JAKMIP3: variants seen among roughly 807,000 people sequenced by gnomAD.
JAKMIP3 encodes the protein janus kinase and microtubule-interacting protein 3.
JAKMIP3 carries 58 observed loss-of-function variants against 118.5 expected under a neutral mutation model. The ratio of observed to expected loss-of-function variants is 0.49; its 90% CI spans 0.40 to 0.61. The LOEUF (loss-of-function observed/expected upper bound fraction) is 0.61, where lower values mean the gene tolerates loss of function less well. JAKMIP3 is among the 20% of genes least tolerant of loss of function. JAKMIP3 has a pLI of 0.00. For missense variants in JAKMIP3, 950 were observed against 1,109.0 expected, an observed-to-expected ratio of 0.86 and a Z score of 2.04; for synonymous variants, 486 against 451.2, an observed-to-expected ratio of 1.08 and a Z score of -0.98.
chr10:132,052,874 A>G (rs2038138726), intron 1 of JAKMIP3, among the ~76,000 whole-genome samples: 1 of 152,228 alleles, frequency 6.6e-6, no homozygotes, highest in Non-Finnish European at 1.5e-5. Context: ...ACTTTCTGCT[A>G]ACTTTGCTGT....
At chr10:132,083,373 A>T (rs1170758147) in intron 1 of JAKMIP3, among the ~76,000 whole-genome samples, 3 of 151,744 alleles carry the variant, frequency 2.0e-5, no homozygotes, top group Non-Finnish European at 2.9e-5. Context: ...CCACTCTTTG[A>T]TGGGTTCGTT....
At chr10:132,145,239 G>T in intron 12 of JAKMIP3, 49 bp downstream of exon 12, 3 of 1,441,996 alleles carry the variant, frequency 2.1e-6, no homozygotes, top group South Asian at 1.2e-5. Context: ...GTGGGTGGGA[G>T]GTATTTGGCT....
At chr10:132,067,275 G>A (rs1403392471) in intron 1 of JAKMIP3, among the ~76,000 whole-genome samples, 1 of 136,392 alleles carries the variant, frequency 7.3e-6, no homozygotes, top group Non-Finnish European at 1.6e-5. Context: ...CAAGGCTGAG[G>A]GTGGGGGGAG....
chr10:132,138,004 G>T (rs1052678434), intron 8 of JAKMIP3, 115 bp from the exon 9 acceptor site: 8 of 987,248 alleles, frequency 8.1e-6, no homozygotes, highest in Non-Finnish European at 1.2e-5. Flanking sequence ...GGACAAGCCA[G>T]CCCAGACACC....
At chr10:132,071,561 C>T (rs1378389667) in intron 1 of JAKMIP3, among the ~76,000 whole-genome samples, 1 of 152,176 alleles carries the variant, frequency 6.6e-6, no homozygotes, top group East Asian at 1.9e-4. Context: ...GTGTTAATGT[C>T]TCCAATATGA....
rs2060193334 is a variant in JAKMIP3 at position 132,176,937 on chromosome 10, A to G, written c.*1104-5420A>G. Among the ~76,000 whole-genome samples, 3 of 151,896 alleles carry G rather than the reference A, an allele frequency of 2.0e-5. No individual in the cohort carries two copies. In the South Asian group the frequency reaches 6.2e-4, roughly 32 times the overall value. On this transcript the variant is annotated intron_variant, in intron 23 of 23. Coordinates refer to ENST00000684848, the MANE Select transcript of JAKMIP3 (RefSeq NM_001323087.2). ...GATGCCAACCTCTTTTCTGGTTCCT[A>G]TTGGCTTTGGAGCTATTTCTCTTTG... is the stretch of plus-strand genomic sequence containing the variant.
At chr10:132,129,257 G>C (rs2050153959) in intron 3 of JAKMIP3, among the ~76,000 whole-genome samples, 1 of 152,044 alleles carries the variant, frequency 6.6e-6, no homozygotes, top group African/African-American at 2.4e-5. Flanking sequence ...AGTGTAGCCA[G>C]GGTCTAGAGA....
rs199726287 is a variant in JAKMIP3, at chr10:132,117,123, G to A, written c.182G>A (p.Arg61His). The change falls in exon 3 of 24, where the codon CGC becomes CAC. Residue 61 changes from arginine to histidine, a missense_variant. By Grantham distance (29) the Arg-to-His change is conservative. Coordinates refer to ENST00000684848, the MANE Select transcript of JAKMIP3 (RefSeq NM_001323087.2). This position sits in a 1 kb window ranked among gnomAD's most constrained non-coding sequence, Gnocchi z 8.6. The stretch of plus-strand genomic sequence containing the variant: ...AAGAACCAGGAGCTGCGGCAGGTGC[G>A]CGAGCATGAGCAGCATAAGACCGCG... ...REKNQELRQV[R>H]EHEQHKTAVL... The A allele has an allele frequency of 6.9e-5, 111 of 1,613,026 alleles. No homozygotes were observed. The highest frequency in any genetic ancestry group is 8.6e-5 in the Non-Finnish European group (101 of 1,179,374).
At chr10:132,115,430 G>A (rs1230663523) in intron 2 of JAKMIP3, among the ~76,000 whole-genome samples, 2 of 152,202 alleles carry the variant, frequency 1.3e-5, no homozygotes, top group South Asian at 2.1e-4. Context: ...TTGTCAGCCT[G>A]GCTGCACTCA....
chr10:132,071,759 G>A (rs2133991768), intron 1 of JAKMIP3, among the ~76,000 whole-genome samples: 1 of 151,958 alleles, frequency 6.6e-6, no homozygotes, highest in Non-Finnish European at 1.5e-5. Flanking sequence ...TTTATATTTA[G>A]AGTGGGTTTC....
intron 1 of JAKMIP3, among the ~76,000 whole-genome samples, chr10:132,102,647 T>G (rs1447107101): frequency 1.3e-5 from 2 of 152,168 alleles, no homozygotes; most frequent in Admixed American, 1.3e-4. Context: ...ACGGGTCACC[T>G]CCGACCCTCC....
At chr10:132,097,903 TTCCCCTTCCCCTTCCCCTTTCCTTC>T (rs2044146284) in intron 1 of JAKMIP3, among the ~76,000 whole-genome samples, 27 of 72,888 alleles carry the variant, frequency 3.7e-4, no homozygotes, top group South Asian at 1.4e-3. Flanking sequence ...CCCCTTCCCC[TTCCCCTTCCCCTTCCCCTTTCCTTC>T]CCCTTCCCCT....
At chr10:132,061,858 A>G (rs535635972), upstream of JAKMIP3, among the ~76,000 whole-genome samples, 23 of 152,390 alleles carry the variant, frequency 1.5e-4, no homozygotes, top group African/African-American at 4.6e-4. Flanking sequence ...AAATGGTTCA[A>G]TTGAAAGTTT....
chr10:132,104,191 G>A (rs530870225), intron 1 of JAKMIP3, among the ~76,000 whole-genome samples: 2 of 152,214 alleles, frequency 1.3e-5, no homozygotes, highest in South Asian at 2.1e-4. Flanking sequence ...CTGGGCGTGC[G>A]CTTCTGTTCC....
rs1197918549 is a variant in JAKMIP3 at position 132,153,781 on chromosome 10, C to G, written c.2096C>G (p.Thr699Arg). Residue 699 changes from threonine (T) to arginine (R), a missense_variant, in exon 18 of 24, where the codon ACA becomes AGA. By Grantham distance (71) the Thr-to-Arg change is moderately conservative. Coordinates refer to ENST00000684848, the MANE Select transcript of JAKMIP3 (RefSeq NM_001323087.2). ...CAGTGGCTCCAGCAGATTGAGGAGA[C>G]AGAGGCGGCGCTGCAGCGGAAGATG... ...AEKWLQQIEETEAALQRKMVD... is the reference protein window; with the variant it reads ...AEKWLQQIEEREAALQRKMVD... 6.2e-7 allele frequency: 1 copy of G among 1,612,940 alleles called. No homozygotes were observed. The highest frequency in any genetic ancestry group is 8.5e-7 in the Non-Finnish European group (1 of 1,179,850).
At chr10:132,172,990 T>TTCC (rs2059672517) in intron 23 of JAKMIP3, among the ~76,000 whole-genome samples, 1 of 32,658 alleles carries the variant, frequency 3.1e-5, no homozygotes. Flanking sequence ...CCTCTCTCTC[T>TTCC]CTCTCCTTCC....
chr10:132,048,069 G>C (rs1050457503), intron 1 of JAKMIP3, among the ~76,000 whole-genome samples: 4 of 152,226 alleles, frequency 2.6e-5, no homozygotes, highest in African/African-American at 9.6e-5. Context: ...CTCTCGTGAC[G>C]GGAACGAGGT....
chr10:132,146,602 A>T (rs2054656928), intron 13 of JAKMIP3, among the ~76,000 whole-genome samples: 1 of 152,218 alleles, frequency 6.6e-6, no homozygotes. Flanking sequence ...TCACGCTGGC[A>T]GGTGCGGCCC....
intron 23 of JAKMIP3, among the ~76,000 whole-genome samples, chr10:132,171,451 C>T (rs1429566866): frequency 1.3e-5 from 2 of 152,152 alleles, no homozygotes; most frequent in African/African-American, 4.8e-5. Context: ...AATGTCCGTC[C>T]GAGTGTATTT....
Sources: gnomAD v4.1 joint callset for allele counts (sites outside exome capture counted in the v4.1 genomes callset) on GRCh38, gnomAD v4.1.1 for gene constraint, Gnocchi (gnomAD v3.1) non-coding constraint, MANE v1.5 for transcripts, NCBI Gene and HGNC (gene_info 2026-07-23, HGNC 2026-07-21) for gene names.